The following DRC11 variants were observed in gnomAD, a reference collection of about 807,000 sequenced individuals.
The protein encoded by DRC11 is IQ and AAA domain-containing protein 1.
chr2:236,357,620 T>C, the DRC11 span, among the ~76,000 whole-genome samples: 1 of 120,664 alleles, frequency 8.3e-6, no homozygotes, highest in Non-Finnish European at 1.6e-5. Flanking sequence ...TTTATAAATA[T>C]ATAAATATGC....
At chr2:236,347,757 A>G in the DRC11 span, among the ~76,000 whole-genome samples, 3 of 151,980 alleles carry the variant, frequency 2.0e-5, no homozygotes, top group African/African-American at 7.2e-5. Context: ...GGTGCAGTGT[A>G]TACTGTTCAG....
At chr2:236,445,609 G>A in the DRC11 span, among the ~76,000 whole-genome samples, 10 of 151,848 alleles carry the variant, frequency 6.6e-5, no homozygotes, top group African/African-American at 1.7e-4. The surrounding 1 kb of genome is among the most constrained non-coding windows in gnomAD (Gnocchi z 4.8). Context: ...CAAAGTGCTC[G>A]GATTATGGGT....
the DRC11 span, among the ~76,000 whole-genome samples, chr2:236,476,851 G>A: frequency 2.0e-5 from 3 of 152,014 alleles, no homozygotes; most frequent in Admixed American, 1.3e-4. This position sits in a 1 kb window ranked among gnomAD's most constrained non-coding sequence, Gnocchi z 4.7. Flanking sequence ...CATCACCTAG[G>A]TATGAAGCCC....
the DRC11 span, among the ~76,000 whole-genome samples, chr2:236,437,957 T>C: frequency 7.3e-6 from 1 of 137,182 alleles, no homozygotes; most frequent in Non-Finnish European, 1.6e-5. Context: ...TTAGATCCCA[T>C]TTGTCAATTT....
chr2:236,340,920 C>A, the DRC11 span, among the ~76,000 whole-genome samples: 1 of 152,148 alleles, frequency 6.6e-6, no homozygotes, highest in Admixed American at 6.5e-5. Context: ...TTCCCCTACA[C>A]TCAGACCACC....
the DRC11 span, among the ~76,000 whole-genome samples, chr2:236,422,411 A>G: frequency 6.6e-6 from 1 of 152,152 alleles, no homozygotes; most frequent in African/African-American, 2.4e-5. Flanking sequence ...TACACCAATA[A>G]CAAACAGAGA....
chr2:236,460,161 C>A, the DRC11 span, among the ~76,000 whole-genome samples: 3 of 152,166 alleles, frequency 2.0e-5, no homozygotes, highest in African/African-American at 7.2e-5. This position sits in a 1 kb window ranked among gnomAD's most constrained non-coding sequence, Gnocchi z 4.0. Flanking sequence ...AATAAATTCA[C>A]CCTTGACCTT....
At chr2:236,323,218 A>G in the DRC11 span, among the ~76,000 whole-genome samples, 1 of 152,216 alleles carries the variant, frequency 6.6e-6, no homozygotes, top group African/African-American at 2.4e-5. This position sits in a 1 kb window ranked among gnomAD's most constrained non-coding sequence, Gnocchi z 6.4. Context: ...GGGTCCCATG[A>G]CACGTGAAAG....
chr2:236,428,672 T>TA, the DRC11 span, among the ~76,000 whole-genome samples: 1 of 152,166 alleles, frequency 6.6e-6, no homozygotes, highest in African/African-American at 2.4e-5. Context: ...GTTGGGTAAT[T>TA]TAAAAAAAAT....
At chr2:236,354,362 G>A in the DRC11 span, among the ~76,000 whole-genome samples, 894 of 139,516 alleles carry the variant, frequency 6.4e-3, 8 homozygotes, top group Middle Eastern at 0.014. Context: ...TGGGGGGCAG[G>A]TTGGTGCTAG....
the DRC11 span, among the ~76,000 whole-genome samples, chr2:236,308,084 A>G: frequency 0.03 from 4,493 of 150,656 alleles, 305 homozygotes; most frequent in African/African-American, 0.1. This position sits in a 1 kb window ranked among gnomAD's most constrained non-coding sequence, Gnocchi z 6.0. Flanking sequence ...TGCGCTTGCA[A>G]TGATACAGAC....
the DRC11 span, among the ~76,000 whole-genome samples, chr2:236,312,745 A>G: frequency 6.6e-6 from 1 of 152,096 alleles, no homozygotes; most frequent in South Asian, 2.1e-4. Context: ...ACAGCCATCA[A>G]ATAAAAAAAC....
the DRC11 span, among the ~76,000 whole-genome samples, chr2:236,447,491 G>A: frequency 6.8e-6 from 1 of 147,958 alleles, no homozygotes; most frequent in Non-Finnish European, 1.5e-5. The surrounding 1 kb of genome is among the most constrained non-coding windows in gnomAD (Gnocchi z 4.6). Context: ...CCACATGATG[G>A]GACTTACGTT....
At chr2:236,349,217 G>A in the DRC11 span, among the ~76,000 whole-genome samples, 2 of 152,178 alleles carry the variant, frequency 1.3e-5, no homozygotes, top group African/African-American at 2.4e-5. This position sits in a 1 kb window ranked among gnomAD's most constrained non-coding sequence, Gnocchi z 5.5. Flanking sequence ...CTGCTGCCAA[G>A]GGATGGAGCT....
chr2:236,480,022 G>GTTT, the DRC11 span, among the ~76,000 whole-genome samples: 36 of 135,410 alleles, frequency 2.7e-4, no homozygotes, highest in Admixed American at 1.0e-3. Flanking sequence ...TGGTTGACAG[G>GTTT]TTTTTTTTTT....
chr2:236,424,505 T>G, the DRC11 span, among the ~76,000 whole-genome samples: 1 of 152,170 alleles, frequency 6.6e-6, no homozygotes, highest in Non-Finnish European at 1.5e-5. Flanking sequence ...AGATCCACTT[T>G]CTCTTTTTAT....
At chr2:236,341,821 C>T in the DRC11 span, among the ~76,000 whole-genome samples, 8 of 152,202 alleles carry the variant, frequency 5.3e-5, no homozygotes, top group African/African-American at 1.7e-4. Context: ...AGCAGCTGTG[C>T]GCCTTCTGGG....
chr2:236,320,732 G>A, the DRC11 span, among the ~76,000 whole-genome samples: 1 of 152,270 alleles, frequency 6.6e-6, no homozygotes, highest in South Asian at 2.1e-4. Flanking sequence ...ACTTCAGAAT[G>A]TGCTCAAGAG....
chr2:236,434,016 T>C, the DRC11 span, among the ~76,000 whole-genome samples: 1 of 152,262 alleles, frequency 6.6e-6, no homozygotes, highest in Non-Finnish European at 1.5e-5. The surrounding 1 kb of genome is among the most constrained non-coding windows in gnomAD (Gnocchi z 5.5). Context: ...AGTGAGGAGC[T>C]TATGGTTTTC....
Sources: allele counts gnomAD v4.1 joint callset (sites outside exome capture counted in the v4.1 genomes callset), GRCh38; gene constraint gnomAD v4.1.1; non-coding constraint Gnocchi (gnomAD v3.1); transcripts MANE v1.5; gene names NCBI Gene and HGNC (gene_info 2026-07-23, HGNC 2026-07-21).